MAP3K14: variants seen among roughly 807,000 people sequenced by gnomAD.
The protein encoded by MAP3K14 is mitogen-activated protein kinase kinase kinase 14.
MAP3K14 carries 16 observed loss-of-function variants against 99.2 expected under a neutral mutation model. That is an observed-to-expected ratio of 0.16 (90% CI 0.11 to 0.24). MAP3K14 has a LOEUF of 0.24. MAP3K14 is among the 10% of genes least tolerant of loss of function. The pLI is 1.00. For missense variants in MAP3K14, 784 were observed against 1,208.7 expected (o/e 0.65, Z 5.21); for synonymous variants, 462 against 492.4 (o/e 0.94, Z 0.82).
intron 1 of MAP3K14, among the ~76,000 whole-genome samples, chr17:45,292,996 G>A (rs2044322308): frequency 6.6e-6 from 1 of 152,172 alleles, no homozygotes; most frequent in Admixed American, 6.5e-5. Flanking sequence ...AATGCAGGAG[G>A]GCACACTAAG....
In MAP3K14 at chr17:45,270,474, C is replaced by G. The variant is rs550503340; in HGVS notation, c.1911G>C (p.Glu637Asp). 10 of 1,611,666 alleles carry G rather than the reference C, an allele frequency of 6.2e-6. No homozygotes were observed. In the African/African-American group the frequency reaches 1.3e-4, roughly 22 times the overall value. The change falls in exon 11 of 16, where the codon GAG becomes GAC. Residue 637 changes from glutamate to aspartate, a missense_variant. Transcript: ENST00000344686. Reference sequence around the variant, plus strand: ...CCGCTGCAGACACGCGGTGGATGGGCTCTTTCCTCAGCCCCTCTTGGATGG... The same window carrying G: ...CCGCTGCAGACACGCGGTGGATGGGGTCTTTCCTCAGCCCCTCTTGGATGG... ...AQAIQEGLRK[E>D]PIHRVSAAEL...
At chr17:45,284,293 G>A (rs2044246386) in intron 6 of MAP3K14, among the ~76,000 whole-genome samples, 1 of 152,196 alleles carries the variant, frequency 6.6e-6, no homozygotes, top group African/African-American at 2.4e-5. Flanking sequence ...CAAGCTTCAT[G>A]TCCCCAACAT....
chr17:45,282,326 A>G (rs973795954), intron 6 of MAP3K14, among the ~76,000 whole-genome samples: 1 of 152,070 alleles, frequency 6.6e-6, no homozygotes, highest in African/African-American at 2.4e-5. Context: ...CTGTAATCCC[A>G]GCACTTTGGG....
chr17:45,287,451 G>A lies in MAP3K14; in HGVS notation c.327-87C>T, dbSNP rs1414720034. On this transcript the variant is annotated intron_variant, in intron 3 of 15. Coordinates refer to ENST00000344686, the MANE Select transcript of MAP3K14 (RefSeq NM_003954.5). Reference sequence around the variant, plus strand: ...AGACACTTGTATCTGGACTCCTGCAGATCCAAGGTCAAATCCCAGGTTGCC... The same window carrying A: ...AGACACTTGTATCTGGACTCCTGCAAATCCAAGGTCAAATCCCAGGTTGCC... 3 of 1,140,456 alleles carry A rather than the reference G, an allele frequency of 2.6e-6. No homozygotes were observed. In the African/African-American group the frequency reaches 4.6e-5, roughly 18 times the overall value. The allele number at this position is 1,140,456 out of a possible 1,614,324, so 70.6% of individuals were successfully genotyped here.
chr17:45,287,525 T>G (rs1258613929), intron 3 of MAP3K14, among the ~76,000 whole-genome samples, 161 bp from the exon 4 acceptor site: 1 of 152,226 alleles, frequency 6.6e-6, no homozygotes. Flanking sequence ...GGAACCTGTT[T>G]TCTCACTTAT....
At chr17:45,270,974 C>T (rs773247049) in intron 10 of MAP3K14, 84 bp downstream of exon 10, 36 of 1,525,646 alleles carry the variant, frequency 2.4e-5, no homozygotes, top group African/African-American at 4.1e-5. Flanking sequence ...CATCTGCCAC[C>T]GCAGAGCAGC....
chr17:45,309,933 C>A (rs2044459911), intron 1 of MAP3K14, among the ~76,000 whole-genome samples: 1 of 152,058 alleles, frequency 6.6e-6, no homozygotes, highest in South Asian at 2.1e-4. Flanking sequence ...GCTATTCCTG[C>A]CTCTCCAGGC....
chr17:45,271,260 T>C (rs970149542), intron 9 of MAP3K14, 39 bp from the exon 10 acceptor site: 2 of 1,574,308 alleles, frequency 1.3e-6, no homozygotes, highest in African/African-American at 2.8e-5. Context: ...CCTGGAATGC[T>C]GATGGGCAGG....
At position 45,267,069 on chromosome 17, in the gene MAP3K14, C is replaced by T. The variant is rs761425676; in HGVS notation, c.2433+23G>A. On this transcript the variant is annotated intron_variant, in intron 13 of 15. Coordinates refer to ENST00000344686, the MANE Select transcript of MAP3K14 (RefSeq NM_003954.5). This position sits in a 1 kb window ranked among gnomAD's most constrained non-coding sequence, Gnocchi z 5.1. ...GAAAACCACACCCCTGGAGCCATGG[C>T]TCCGGGGCCACAACCGACTCACCTT... 1.1e-5 allele frequency: 17 copies of T among 1,537,416 alleles called. No individual in the cohort carries two copies. Among genetic ancestry groups the T allele is most frequent in the Non-Finnish European group, 1.4e-5 (16 of 1,131,780 alleles).
At chr17:45,299,058 T>C (rs991698519) in intron 1 of MAP3K14, among the ~76,000 whole-genome samples, 1 of 152,132 alleles carries the variant, frequency 6.6e-6, no homozygotes, top group Non-Finnish European at 1.5e-5. Flanking sequence ...CAGCTTGAAG[T>C]TGTCAGTGAG....
At chr17:45,303,731 T>G (rs556192395) in intron 1 of MAP3K14, among the ~76,000 whole-genome samples, 1 of 151,624 alleles carries the variant, frequency 6.6e-6, no homozygotes, top group African/African-American at 2.4e-5. Context: ...TATAAACATA[T>G]AGTTTGGGAC....
chr17:45,287,145 G>A lies in MAP3K14; in HGVS notation c.537+9C>T. ...ACCTGGGGTCTGGGCAGTGGGTGGA[G>A]GGTCTCACCTGCACTGGGATGGTGC... On this transcript the variant is annotated intron_variant, in intron 4 of 15. Coordinates refer to ENST00000344686, the MANE Select transcript of MAP3K14 (RefSeq NM_003954.5). The A allele has an allele frequency of 1.2e-6, 2 of 1,611,306 alleles. No homozygotes were observed. Among genetic ancestry groups the A allele is most frequent in the Non-Finnish European group, 1.7e-6 (2 of 1,178,080 alleles).
chr17:45,315,859 G>C (rs1281796537), intron 1 of MAP3K14, among the ~76,000 whole-genome samples: 1 of 152,086 alleles, frequency 6.6e-6, no homozygotes, highest in Non-Finnish European at 1.5e-5. Context: ...GGAGCTCACA[G>C]GTATGAAGAC....
chr17:45,269,078 G>A (rs1431993567), intron 11 of MAP3K14, among the ~76,000 whole-genome samples: 1 of 152,100 alleles, frequency 6.6e-6, no homozygotes, highest in Non-Finnish European at 1.5e-5. Context: ...GTGCAGTGGT[G>A]CAATCATGGC....
intron 6 of MAP3K14, among the ~76,000 whole-genome samples, chr17:45,281,346 T>TC (rs2044221673): frequency 6.7e-6 from 1 of 149,124 alleles, no homozygotes; most frequent in African/African-American, 2.5e-5. Context: ...GATCTTTCTT[T>TC]TTTTTTTTTT....
Position 45,286,118 on chromosome 17 carries a change from G to A in MAP3K14, c.1152+313C>T, listed in dbSNP as rs1025892248. On this transcript the variant is annotated intron_variant, in intron 5 of 15. Transcript: ENST00000344686. The surrounding 1 kb of genome is among the most constrained non-coding windows in gnomAD (Gnocchi z 4.1). ...AAAACAGGTCCCATCCTCATCTTCCGTCTCTGGGGGCCATGATAACATCTC... is the reference window on the plus strand; with the variant it reads ...AAAACAGGTCCCATCCTCATCTTCCATCTCTGGGGGCCATGATAACATCTC... Among the ~76,000 whole-genome samples the A allele has an allele frequency of 8.5e-5, 13 of 152,112 alleles. No homozygotes were observed. The highest frequency in any genetic ancestry group is 2.7e-4 in the African/African-American group (11 of 41,424).
At chr17:45,271,407 G>A (rs35751968) in intron 9 of MAP3K14, among the ~76,000 whole-genome samples, 186 bp from the exon 10 acceptor site, 2,727 of 152,204 alleles carry the variant, frequency 0.018, 97 homozygotes, top group African/African-American at 0.063. Context: ...GTACAATGGC[G>A]CGATCTTGGC....
At chr17:45,314,320 T>C (rs2044511202) in intron 1 of MAP3K14, among the ~76,000 whole-genome samples, 1 of 152,206 alleles carries the variant, frequency 6.6e-6, no homozygotes, top group African/African-American at 2.4e-5. Context: ...ATGCATCACT[T>C]TGAATGCCCA....
intron 2 of MAP3K14, 78 bp from the exon 3 acceptor site, chr17:45,289,383 G>T: frequency 8.5e-7 from 1 of 1,178,312 alleles, no homozygotes; most frequent in Non-Finnish European, 1.3e-6. Flanking sequence ...ATTTTACAGA[G>T]ATCCCCTCTG....
Sources: gnomAD v4.1 joint callset for allele counts (sites outside exome capture counted in the v4.1 genomes callset) on GRCh38, gnomAD v4.1.1 for gene constraint, Gnocchi (gnomAD v3.1) non-coding constraint, MANE v1.5 for transcripts, NCBI Gene and HGNC (gene_info 2026-07-23, HGNC 2026-07-21) for gene names.